CADM2: variants seen among roughly 807,000 people sequenced by gnomAD.
The protein encoded by CADM2 is immunoglobulin superfamily member 4D.
A neutral mutation model predicts 49.8 loss-of-function variants in CADM2; 12 were observed. The observed-to-expected ratio is 0.24, with a 90% CI of 0.15 to 0.39. The LOEUF is 0.39. Ranked by LOEUF, CADM2 falls within the 10% of genes least tolerant of loss-of-function variation. The pLI is 1.00. For missense variants in CADM2, 378 were observed against 492.3 expected, an observed-to-expected ratio of 0.77 and a Z score of 2.20; for synonymous variants, 214 against 175.4, an observed-to-expected ratio of 1.22 and a Z score of -1.74.
In CADM2 at chr3:85,302,460, TTAAAA is replaced by T. The variant is rs577884160; in HGVS notation, c.61+342796_61+342800del. Among the ~76,000 whole-genome samples the T allele has an allele frequency of 7.1e-4, 108 of 152,114 alleles. No individual in the cohort carries two copies. In the East Asian group the frequency reaches 0.02, roughly 28 times the overall value. On this transcript the variant is annotated intron_variant, in intron 1 of 9. Transcript: ENST00000383699. Reference sequence around the variant, plus strand: ...AAATGAACCATGCAGACATTAAGAATTAAAATAAGAGTTTGCTAATGTTTCCCTAC... The same window carrying T: ...AAATGAACCATGCAGACATTAAGAATTAAGAGTTTGCTAATGTTTCCCTAC...
At chr3:85,369,300 A>G (rs1213290238) in intron 1 of CADM2, among the ~76,000 whole-genome samples, 3 of 152,210 alleles carry the variant, frequency 2.0e-5, no homozygotes, top group Admixed American at 6.5e-5. Context: ...ATTTCAGTCA[A>G]TGACATATCA....
chr3:86,055,625 C>T (rs1352401507), intron 8 of CADM2, among the ~76,000 whole-genome samples: 2 of 151,844 alleles, frequency 1.3e-5, no homozygotes, highest in East Asian at 1.9e-4. Flanking sequence ...TGCCACCATG[C>T]CTGGCTAATA....
At chr3:85,880,281 G>A (rs766857673) in intron 3 of CADM2, among the ~76,000 whole-genome samples, 16 of 151,858 alleles carry the variant, frequency 1.1e-4, no homozygotes, top group Admixed American at 3.3e-4. Context: ...CTTGTCTTAA[G>A]TATTCCTTCT....
chr3:85,474,920 A>T (rs2038916542), intron 1 of CADM2, among the ~76,000 whole-genome samples: 1 of 152,002 alleles, frequency 6.6e-6, no homozygotes, highest in African/African-American at 2.4e-5. Context: ...CATAAACTAC[A>T]GACTCAGCAT....
At chr3:85,414,195 T>C (rs1048430696) in intron 1 of CADM2, among the ~76,000 whole-genome samples, 2 of 152,220 alleles carry the variant, frequency 1.3e-5, no homozygotes, top group Non-Finnish European at 2.9e-5. Context: ...CATTAATGTG[T>C]GATCATAGCT....
intron 1 of CADM2, among the ~76,000 whole-genome samples, chr3:85,120,131 A>T (rs527530739): frequency 9.8e-5 from 15 of 152,356 alleles, no homozygotes; most frequent in Admixed American, 3.3e-4. Flanking sequence ...CAAAACCACA[A>T]TGAGATATCA....
At chr3:85,117,318 C>T (rs2038674825) in intron 1 of CADM2, among the ~76,000 whole-genome samples, 1 of 151,782 alleles carries the variant, frequency 6.6e-6, no homozygotes, top group Non-Finnish European at 1.5e-5. Context: ...GTAAAGGATG[C>T]TGTAAAATAT....
chr3:85,710,224 T>C (rs1051006959), intron 1 of CADM2, among the ~76,000 whole-genome samples: 4 of 152,176 alleles, frequency 2.6e-5, no homozygotes, highest in Admixed American at 6.5e-5. Context: ...AACACCATGA[T>C]TCTTTTCTTC....
At chr3:85,600,766 G>A (rs2063368330) in intron 1 of CADM2, among the ~76,000 whole-genome samples, 1 of 151,308 alleles carries the variant, frequency 6.6e-6, no homozygotes, top group South Asian at 2.1e-4. Context: ...CTGTACATCA[G>A]TATCATGATA....
intron 5 of CADM2, among the ~76,000 whole-genome samples, chr3:85,909,401 AAT>A (rs59251646): frequency 5.0e-4 from 73 of 147,306 alleles, no homozygotes; most frequent in South Asian, 1.7e-3. Flanking sequence ...TGTAAAATGA[AAT>A]ATATATATAT....
chr3:85,959,745 G>A (rs748444693), intron 7 of CADM2, among the ~76,000 whole-genome samples: 1 of 151,822 alleles, frequency 6.6e-6, no homozygotes, highest in Non-Finnish European at 1.5e-5. Flanking sequence ...GTTACAATTT[G>A]TTCCAGTATT....
At chr3:85,223,995 G>C (rs1250795595) in intron 1 of CADM2, among the ~76,000 whole-genome samples, 2 of 152,038 alleles carry the variant, frequency 1.3e-5, no homozygotes, top group African/African-American at 4.8e-5. Context: ...ACTTTATCCA[G>C]TCTATCACTG....
chr3:85,446,077 C>A (rs975662047), intron 1 of CADM2, among the ~76,000 whole-genome samples: 49 of 151,938 alleles, frequency 3.2e-4, no homozygotes, highest in African/African-American at 1.1e-3. Flanking sequence ...TTTCATTCTA[C>A]CCTGTGGTAT....
chr3:85,407,671 T>A (rs2035453172), intron 1 of CADM2, among the ~76,000 whole-genome samples: 1 of 152,012 alleles, frequency 6.6e-6, no homozygotes, highest in Non-Finnish European at 1.5e-5. Flanking sequence ...TTCCACAAAC[T>A]GAAGATTGTG....
chr3:85,004,848 C>G (rs540126718), intron 1 of CADM2, among the ~76,000 whole-genome samples: 1 of 152,190 alleles, frequency 6.6e-6, no homozygotes, highest in South Asian at 2.1e-4. Context: ...CCATGATCAT[C>G]CATTTTGTCT....
At chr3:85,721,729 G>T (rs909837317) in intron 1 of CADM2, among the ~76,000 whole-genome samples, 6 of 152,206 alleles carry the variant, frequency 3.9e-5, no homozygotes, top group African/African-American at 1.4e-4. Context: ...CAAAGTGGGA[G>T]CCACAGCCCT....
intron 1 of CADM2, among the ~76,000 whole-genome samples, chr3:85,231,209 A>G (rs546702103): frequency 9.1e-4 from 139 of 152,240 alleles, no homozygotes; most frequent in African/African-American, 3.3e-3. Flanking sequence ...TCTGAGTGTT[A>G]TTCAACCCAT....
chr3:85,177,204 T>C (rs1424258624), intron 1 of CADM2, among the ~76,000 whole-genome samples: 1 of 152,088 alleles, frequency 6.6e-6, no homozygotes, highest in African/African-American at 2.4e-5. Flanking sequence ...AAATCCATCT[T>C]CTCTAAAACT....
chr3:85,133,712 A>C (rs2039311728), intron 1 of CADM2, among the ~76,000 whole-genome samples: 2 of 152,184 alleles, frequency 1.3e-5, no homozygotes, highest in Admixed American at 6.5e-5. Flanking sequence ...CTAGATACAG[A>C]GTGCCGACTG....
Sources: allele counts gnomAD v4.1 joint callset (sites outside exome capture counted in the v4.1 genomes callset), GRCh38; gene constraint gnomAD v4.1.1; transcripts MANE v1.5; gene names NCBI Gene and HGNC (gene_info 2026-07-23, HGNC 2026-07-21).